The following LYPD6B variants were observed in gnomAD, a reference collection of about 807,000 sequenced individuals.
LYPD6B encodes the protein LY6/PLAUR domain containing 6B.
In LYPD6B, 17 loss-of-function variants were observed where a neutral mutation model predicts 22.8. The ratio of observed to expected loss-of-function variants is 0.75; its 90% CI spans 0.51 to 1.12. The LOEUF (loss-of-function observed/expected upper bound fraction) is 1.12, where lower values mean the gene tolerates loss of function less well. Ranked by LOEUF, LYPD6B falls within the 50% of genes most tolerant of loss-of-function variation. The pLI, the probability that LYPD6B is intolerant of heterozygous loss-of-function variation, is 0.00. For synonymous variants in LYPD6B, 106 were observed against 91.6 expected, an observed-to-expected ratio of 1.16 and a Z score of -0.90; for missense variants, 221 against 258.3, an observed-to-expected ratio of 0.86 and a Z score of 0.99.
intron 1 of LYPD6B, among the ~76,000 whole-genome samples, chr2:149,088,608 A>G (rs1436286014): frequency 6.6e-6 from 1 of 152,190 alleles, no homozygotes; most frequent in African/African-American, 2.4e-5. Flanking sequence ...GTGTAGGTAC[A>G]CAATAATTTC....
chr2:149,086,449 A>T (rs997112966), intron 1 of LYPD6B, among the ~76,000 whole-genome samples: 13 of 152,216 alleles, frequency 8.5e-5, no homozygotes, highest in African/African-American at 2.9e-4. Flanking sequence ...CCGTGGTCCC[A>T]TGAGCTTCAA....
chr2:149,121,456 T>C (rs1344129873), intron 1 of LYPD6B, among the ~76,000 whole-genome samples: 1 of 152,208 alleles, frequency 6.6e-6, no homozygotes, highest in East Asian at 1.9e-4. Flanking sequence ...TGACCAAATC[T>C]GATGATTGTT....
intron 2 of LYPD6B, among the ~76,000 whole-genome samples, chr2:149,148,977 G>A (rs1281138866): frequency 2.0e-5 from 3 of 152,182 alleles, no homozygotes; most frequent in Non-Finnish European, 4.4e-5. Flanking sequence ...GGTGGTGAGT[G>A]CTGTGTACGA....
intron 3 of LYPD6B, among the ~76,000 whole-genome samples, chr2:149,177,439 T>G (rs1330065114): frequency 6.6e-6 from 1 of 152,256 alleles, no homozygotes; most frequent in Non-Finnish European, 1.5e-5. Flanking sequence ...CCCATTTGGC[T>G]ATTTCCTTCT....
chr2:149,196,664 T>C (rs977428317), intron 3 of LYPD6B, among the ~76,000 whole-genome samples: 1 of 152,228 alleles, frequency 6.6e-6, no homozygotes, highest in African/African-American at 2.4e-5. Context: ...TTTTACAATC[T>C]GGCACACAGT....
At chr2:149,113,987 A>G (rs1210320547) in intron 1 of LYPD6B, among the ~76,000 whole-genome samples, 1 of 152,198 alleles carries the variant, frequency 6.6e-6, no homozygotes, top group African/African-American at 2.4e-5. Context: ...AGATTTGGGT[A>G]TGTGCCATTT....
Position 149,118,809 on chromosome 2 carries a change from G to T in LYPD6B, c.-66-12074G>T, listed in dbSNP as rs560894489. On this transcript the variant is annotated intron_variant, in intron 1 of 6. Coordinates refer to ENST00000409642, the MANE Select transcript of LYPD6B (RefSeq NM_177964.5). The stretch of plus-strand genomic sequence containing the variant: ...TGGTTGGGCTGAAATTTGAACCCAG[G>T]TCTGTCTGTTTCTAAAGGCTGTGGT... Among the ~76,000 whole-genome samples the T allele has an allele frequency of 1.7e-3, 253 of 152,244 alleles. No homozygotes were observed. In the Middle Eastern group the frequency reaches 0.017, roughly 10 times the overall value.
At chr2:149,143,093 A>G (rs1029589403) in intron 2 of LYPD6B, among the ~76,000 whole-genome samples, 1 of 152,162 alleles carries the variant, frequency 6.6e-6, no homozygotes, top group Admixed American at 6.5e-5. Flanking sequence ...AACATGCATA[A>G]TCATTCAGAT....
At chr2:149,175,934 T>A (rs775961799) in intron 3 of LYPD6B, among the ~76,000 whole-genome samples, 14 of 152,114 alleles carry the variant, frequency 9.2e-5, no homozygotes, top group Non-Finnish European at 2.9e-5. Flanking sequence ...CTGAAGGACC[T>A]GTCTGAGGCT....
At chr2:149,200,329 C>T (rs10180648) in intron 3 of LYPD6B, among the ~76,000 whole-genome samples, 46,717 of 152,068 alleles carry the variant, frequency 0.31, 7,264 homozygotes, top group East Asian at 0.36. Flanking sequence ...TGTTTAGTCT[C>T]TTCTTTTTCA....
chr2:149,185,322 C>T (rs1692021397), intron 3 of LYPD6B, among the ~76,000 whole-genome samples: 1 of 152,188 alleles, frequency 6.6e-6, no homozygotes, highest in Non-Finnish European at 1.5e-5. Context: ...TGACACACCA[C>T]CCACCGGTAG....
At chr2:149,112,158 A>C (rs1686788028) in intron 1 of LYPD6B, among the ~76,000 whole-genome samples, 1 of 152,338 alleles carries the variant, frequency 6.6e-6, no homozygotes, top group African/African-American at 2.4e-5. Context: ...AGGGGAACAC[A>C]AAAATGGGTT....
intron 1 of LYPD6B, among the ~76,000 whole-genome samples, chr2:149,123,072 A>G (rs1384321300): frequency 6.6e-6 from 1 of 152,186 alleles, no homozygotes; most frequent in Non-Finnish European, 1.5e-5. Context: ...AGGCTGATGA[A>G]GAAAGGTTTC....
chr2:149,081,966 T>C (rs867727786), intron 1 of LYPD6B, among the ~76,000 whole-genome samples: 34 of 152,194 alleles, frequency 2.2e-4, no homozygotes, highest in African/African-American at 7.5e-4. Flanking sequence ...GTTTGAGTAA[T>C]GCAAAATCCT....
chr2:149,047,651 G>A (rs1011788362), intron 1 of LYPD6B, among the ~76,000 whole-genome samples: 1 of 151,910 alleles, frequency 6.6e-6, no homozygotes, highest in Non-Finnish European at 1.5e-5. Flanking sequence ...TTGGATCTGT[G>A]ATTTGGTATC....
At chr2:149,114,042 G>A (rs1013461960) in intron 1 of LYPD6B, among the ~76,000 whole-genome samples, 2 of 152,086 alleles carry the variant, frequency 1.3e-5, no homozygotes, top group Admixed American at 1.3e-4. Flanking sequence ...CCCTCTGAAA[G>A]CTCAATAAAG....
At position 149,214,753 on chromosome 2, in the gene LYPD6B, C is replaced by T. The variant is rs778486024; in HGVS notation, c.*43C>T. 1 of 1,599,836 alleles carries T rather than the reference C, an allele frequency of 6.3e-7. No individual in the cohort carries two copies. The highest frequency in any genetic ancestry group is 1.7e-5 in the Admixed American group (1 of 59,924). On this transcript the variant is annotated 3_prime_UTR_variant, in exon 7 of 7. Transcript: ENST00000409642. The stretch of plus-strand genomic sequence containing the variant: ...GAGGCAGAGACCAGCCTCTAAAGCA[C>T]AAGCCAAAAACTGTGTGAACGGTGA...
intron 5 of LYPD6B, among the ~76,000 whole-genome samples, chr2:149,210,732 GTTCTGTAT>G (rs1411218104): frequency 6.6e-6 from 1 of 152,140 alleles, no homozygotes; most frequent in East Asian, 1.9e-4. Context: ...CATGTGTCCC[GTTCTGTAT>G]GAACACATGC....
intron 2 of LYPD6B, among the ~76,000 whole-genome samples, chr2:149,157,444 C>T (rs1689780604): frequency 6.6e-6 from 1 of 152,184 alleles, no homozygotes; most frequent in Admixed American, 6.5e-5. Context: ...TTCAACTCAG[C>T]CAAGTGCTAA....
Sources: allele counts gnomAD v4.1 joint callset (sites outside exome capture counted in the v4.1 genomes callset), GRCh38; gene constraint gnomAD v4.1.1; transcripts MANE v1.5; gene names NCBI Gene and HGNC (gene_info 2026-07-23, HGNC 2026-07-21).